Variants in SYT1 observed in about 807,000 individuals in gnomAD.
SYT1 encodes synaptotagmin-1.
A neutral mutation model predicts 44.8 loss-of-function variants in SYT1; 8 were observed. That is an observed-to-expected ratio of 0.18 (90% CI 0.10 to 0.32). The LOEUF is 0.32. Ranked by LOEUF, SYT1 falls within the 10% of genes least tolerant of loss-of-function variation. SYT1 has a pLI of 1.00. For synonymous variants in SYT1, 154 were observed against 188.8 expected, an observed-to-expected ratio of 0.82 and a Z score of 1.51; for missense variants, 286 against 509.3, an observed-to-expected ratio of 0.56 and a Z score of 4.22.
intron 3 of SYT1, among the ~76,000 whole-genome samples, chr12:79,125,881 G>A (rs191042545): frequency 2.6e-4 from 40 of 152,038 alleles, no homozygotes; most frequent in African/African-American, 9.4e-4. Context: ...TAAGTTCCCC[G>A]GCTCATCAAT....
chr12:79,102,977 A>G (rs1878523552), intron 3 of SYT1: 1 of 152,044 alleles, frequency 6.6e-6, no homozygotes, highest in Non-Finnish European at 1.5e-5. Flanking sequence ...CATCCTCACA[A>G]CACTATAAGG....
At chr12:79,387,448 A>G (rs1884480337) in intron 9 of SYT1, among the ~76,000 whole-genome samples, 1 of 152,244 alleles carries the variant, frequency 6.6e-6, no homozygotes, top group African/African-American at 2.4e-5. Context: ...CTGGGCATCA[A>G]TCTCTCAATG....
intron 2 of SYT1, among the ~76,000 whole-genome samples, chr12:79,000,516 C>T (rs886329356): frequency 6.6e-6 from 1 of 152,094 alleles, no homozygotes; most frequent in African/African-American, 2.4e-5. Flanking sequence ...TCAGGCTTGT[C>T]TCAAACTCCT....
intron 10 of SYT1, among the ~76,000 whole-genome samples, chr12:79,447,210 CTT>C (rs201722087): frequency 2.7e-5 from 4 of 148,400 alleles, no homozygotes; most frequent in African/African-American, 9.9e-5. Flanking sequence ...TCACTTTGTT[CTT>C]TTTTTTTTCC....
chr12:79,345,698 A>C (rs1882578496), intron 8 of SYT1, among the ~76,000 whole-genome samples: 1 of 152,254 alleles, frequency 6.6e-6, no homozygotes. Context: ...CTTCAGGAGT[A>C]TGAGAGTAAT....
chr12:79,429,506 ATTT>A (rs1869648493), intron 9 of SYT1, among the ~76,000 whole-genome samples: 1 of 151,426 alleles, frequency 6.6e-6, no homozygotes, highest in Admixed American at 6.6e-5. Context: ...CCCAGCCTGG[ATTT>A]TTATTATGAT....
At chr12:78,921,620 G>A (rs865949489) in intron 1 of SYT1, among the ~76,000 whole-genome samples, 1 of 151,912 alleles carries the variant, frequency 6.6e-6, no homozygotes, top group Non-Finnish European at 1.5e-5. Context: ...GGCAAAAAGT[G>A]CTAGGTAATG....
intron 8 of SYT1, 26 bp downstream of exon 8, chr12:79,299,577 C>G (rs1395377932): frequency 6.2e-7 from 1 of 1,607,872 alleles, no homozygotes; most frequent in East Asian, 2.2e-5. Context: ...GCATTTCTAA[C>G]ATCACAAGCT....
chr12:79,163,869 C>A (rs546933964), intron 3 of SYT1, among the ~76,000 whole-genome samples: 18 of 152,030 alleles, frequency 1.2e-4, no homozygotes, highest in Non-Finnish European at 2.6e-4. Flanking sequence ...GAGTATTTTT[C>A]AAACATTTTT....
intron 3 of SYT1, among the ~76,000 whole-genome samples, chr12:79,054,176 G>T (rs1565784238): frequency 6.6e-6 from 1 of 152,148 alleles, no homozygotes; most frequent in East Asian, 1.9e-4. Context: ...ACTCAGGTCT[G>T]TCTGATTTCT....
intron 4 of SYT1, among the ~76,000 whole-genome samples, chr12:79,285,296 A>G (rs930970253): frequency 9.2e-5 from 14 of 152,240 alleles, no homozygotes; most frequent in East Asian, 1.9e-4. Context: ...GCTGCCATTT[A>G]TTAAGCTTTT....
chr12:79,269,806 C>T (rs1160692697), intron 4 of SYT1, among the ~76,000 whole-genome samples: 2 of 152,086 alleles, frequency 1.3e-5, no homozygotes, highest in East Asian at 3.9e-4. Flanking sequence ...AGGTTTAGAA[C>T]TATCATTCTA....
At chr12:78,914,195 G>C (rs1018940081) in intron 1 of SYT1, among the ~76,000 whole-genome samples, 3 of 151,674 alleles carry the variant, frequency 2.0e-5, no homozygotes, top group Admixed American at 6.6e-5. Flanking sequence ...AATTTTCAAA[G>C]GGGCATTGGG....
intron 2 of SYT1, chr12:79,046,380 T>C (rs910654841): frequency 6.6e-6 from 1 of 152,166 alleles, no homozygotes; most frequent in African/African-American, 2.4e-5. Flanking sequence ...TTTTAAATAT[T>C]TCATTCTTTC....
intron 3 of SYT1, among the ~76,000 whole-genome samples, chr12:79,063,591 T>C (rs977484802): frequency 2.6e-5 from 4 of 152,078 alleles, no homozygotes; most frequent in African/African-American, 4.8e-5. Flanking sequence ...GAGAACCTTA[T>C]AGAATTACAA....
rs1565894734 is a variant in SYT1 at position 79,293,411 on chromosome 12, T to TAAAATAAAATA, written c.474+1285_474+1286insTAAAATAAAAA. Among the ~76,000 whole-genome samples the TAAAATAAAATA allele has an allele frequency of 3.8e-4, 24 of 62,996 alleles. 1 individual carries two copies. The highest frequency in any genetic ancestry group is 1.2e-3 in the African/African-American group (21 of 17,846). The allele number at this position is 62,996 out of a possible 152,430, so 41.3% of individuals were successfully genotyped here. On this transcript the variant is annotated intron_variant, in intron 6 of 10. Transcript: ENST00000261205. ...AAAATAAAATAAAATAAAATAAAAT[T>TAAAATAAAATA]AAAAAATCTGTAAGACATAGCCCTT...
chr12:79,164,345 A>G (rs572861752), intron 3 of SYT1, among the ~76,000 whole-genome samples: 18 of 152,256 alleles, frequency 1.2e-4, no homozygotes, highest in African/African-American at 3.8e-4. Flanking sequence ...CATCTAAACT[A>G]GATTGCCCTC....
intron 8 of SYT1, among the ~76,000 whole-genome samples, chr12:79,353,163 T>C (rs1033637668): frequency 2.0e-5 from 3 of 152,204 alleles, no homozygotes; most frequent in Admixed American, 1.3e-4. Context: ...CATGAAAATT[T>C]TGCCAAGAGT....
chr12:79,071,422 G>A (rs1876267079), intron 3 of SYT1, among the ~76,000 whole-genome samples: 1 of 152,134 alleles, frequency 6.6e-6, no homozygotes, highest in Non-Finnish European at 1.5e-5. Flanking sequence ...AGAGTACAAG[G>A]AAAGAAGTAA....
Sources: gnomAD v4.1 joint callset for allele counts (sites outside exome capture counted in the v4.1 genomes callset) on GRCh38, gnomAD v4.1.1 for gene constraint, MANE v1.5 for transcripts, NCBI Gene and HGNC (gene_info 2026-07-23, HGNC 2026-07-21) for gene names.